GLCCI1: variants seen among roughly 807,000 people sequenced by gnomAD.
GLCCI1 encodes the protein glucocorticoid-induced transcript 1 protein.
Under a neutral mutation model 52.2 loss-of-function variants are expected in GLCCI1, and 24 were observed. The ratio of observed to expected loss-of-function variants is 0.46; its 90% CI spans 0.33 to 0.65. GLCCI1 has a LOEUF of 0.65. Ranked by LOEUF, GLCCI1 falls within the 30% of genes least tolerant of loss-of-function variation. GLCCI1 has a pLI of 0.02. For missense variants in GLCCI1, 704 were observed against 701.5 expected (o/e 1.00, Z -0.04); for synonymous variants, 310 against 276.5 (o/e 1.12, Z -1.20).
chr7:8,079,661 A>G (rs1225828653), intron 6 of GLCCI1, among the ~76,000 whole-genome samples: 1 of 151,572 alleles, frequency 6.6e-6, no homozygotes, highest in Admixed American at 6.6e-5. Context: ...GACTACACAA[A>G]AACAAAAGAG....
chr7:7,995,465 G>A (rs559891835), intron 1 of GLCCI1, among the ~76,000 whole-genome samples: 134 of 152,254 alleles, frequency 8.8e-4, no homozygotes, highest in Non-Finnish European at 1.6e-3. Context: ...AGCCGAGATC[G>A]TGCCACTGCA....
At chr7:8,049,181 T>C (rs542829565) in intron 3 of GLCCI1, among the ~76,000 whole-genome samples, 1 of 152,276 alleles carries the variant, frequency 6.6e-6, no homozygotes, top group Non-Finnish European at 1.5e-5. Flanking sequence ...GGGATGTTTC[T>C]TGCTTCCAGT....
chr7:7,986,552 T>G (rs1386017278), intron 1 of GLCCI1, among the ~76,000 whole-genome samples: 2 of 151,978 alleles, frequency 1.3e-5, no homozygotes, highest in African/African-American at 4.8e-5. Context: ...AAAAGTGACC[T>G]AGTGTATTTT....
In GLCCI1 at chr7:8,053,785, G is replaced by A. The variant is rs139391150; in HGVS notation, c.697-1648G>A. 2.6e-3 allele frequency among the ~76,000 whole-genome samples: 397 copies of A among 152,138 alleles called. 1 individual carries two copies. Among genetic ancestry groups the A allele is most frequent in the African/African-American group, 8.9e-3 (368 of 41,516 alleles). On this transcript the variant is annotated intron_variant, in intron 3 of 7. Transcript: ENST00000223145. ...GATGGACTTTTACCCTAATTCCCAC[G>A]GGATTGTAAACAAGAGCATAACTAT...
intron 3 of GLCCI1, among the ~76,000 whole-genome samples, chr7:8,028,819 G>C (rs1186800531): frequency 6.6e-6 from 1 of 152,050 alleles, no homozygotes; most frequent in Non-Finnish European, 1.5e-5. Flanking sequence ...TGGCTACTTT[G>C]AACAACTATA....
At chr7:8,071,307 C>G (rs1462305483) in intron 6 of GLCCI1, among the ~76,000 whole-genome samples, 176 bp downstream of exon 6, 2 of 151,904 alleles carry the variant, frequency 1.3e-5, no homozygotes, top group East Asian at 3.9e-4. Context: ...GTGACTCTAA[C>G]AAACATCTTC....
intron 6 of GLCCI1, among the ~76,000 whole-genome samples, chr7:8,082,478 C>A (rs148464469): frequency 2.5e-3 from 388 of 152,166 alleles, no homozygotes; most frequent in African/African-American, 8.7e-3. Context: ...TACAGTCTCT[C>A]TGATTGCATA....
chr7:8,056,954 A>G (rs1384346273), intron 4 of GLCCI1, among the ~76,000 whole-genome samples: 2 of 152,236 alleles, frequency 1.3e-5, no homozygotes, highest in Admixed American at 6.5e-5. Flanking sequence ...ATCACTACTT[A>G]CATATGATAT....
At chr7:8,057,881 A>G (rs1313116492) in intron 4 of GLCCI1, among the ~76,000 whole-genome samples, 1 of 152,122 alleles carries the variant, frequency 6.6e-6, no homozygotes, top group African/African-American at 2.4e-5. Context: ...TATTCTTAAA[A>G]ATTATTATCC....
At chr7:7,971,068 C>T (rs1489061452) in intron 1 of GLCCI1, among the ~76,000 whole-genome samples, 1 of 152,148 alleles carries the variant, frequency 6.6e-6, no homozygotes, top group Non-Finnish European at 1.5e-5. Flanking sequence ...TGCTAACGCA[C>T]TTGTTTTCTG....
chr7:8,023,891 A>G (rs1183755414), intron 3 of GLCCI1, among the ~76,000 whole-genome samples: 1 of 151,912 alleles, frequency 6.6e-6, no homozygotes, highest in Non-Finnish European at 1.5e-5. Flanking sequence ...GAACCACCAC[A>G]CCAGGCCATG....
intron 2 of GLCCI1, among the ~76,000 whole-genome samples, chr7:8,012,555 C>T (rs1015064837): frequency 2.7e-5 from 4 of 149,028 alleles, no homozygotes; most frequent in Admixed American, 2.0e-4. Context: ...TGCCATTCTC[C>T]TGCCTCAGCC....
At chr7:8,016,537 A>G (rs1297606533) in intron 2 of GLCCI1, among the ~76,000 whole-genome samples, 3 of 152,156 alleles carry the variant, frequency 2.0e-5, no homozygotes, top group African/African-American at 4.8e-5. Context: ...AGTTTACGGT[A>G]TGGTATGAGA....
chr7:7,971,815 T>C (rs908326590), intron 1 of GLCCI1, among the ~76,000 whole-genome samples: 2 of 152,240 alleles, frequency 1.3e-5, no homozygotes, highest in African/African-American at 4.8e-5. Context: ...AAAACACTTT[T>C]CTGAGTCTGG....
chr7:8,037,669 C>T (rs1781896851), intron 3 of GLCCI1, among the ~76,000 whole-genome samples: 1 of 152,000 alleles, frequency 6.6e-6, no homozygotes, highest in Non-Finnish European at 1.5e-5. Flanking sequence ...CTGCTAAAGA[C>T]ACGTAAAGAC....
intron 3 of GLCCI1, among the ~76,000 whole-genome samples, chr7:8,028,375 A>C (rs1371461033): frequency 6.6e-6 from 1 of 152,228 alleles, no homozygotes; most frequent in Non-Finnish European, 1.5e-5. Context: ...GAGTCAATGA[A>C]GAAATGAAGA....
chr7:8,047,414 G>T (rs558095339), intron 3 of GLCCI1, among the ~76,000 whole-genome samples: 1 of 152,164 alleles, frequency 6.6e-6, no homozygotes, highest in Non-Finnish European at 1.5e-5. Flanking sequence ...ATTAAGTAGG[G>T]TTTAAGATGT....
At position 8,086,400 on chromosome 7, in the gene GLCCI1, C is replaced by T. The variant is rs187196785; in HGVS notation, c.1506C>T (p.Ser502=). The T allele has an allele frequency of 1.8e-5, 29 of 1,614,182 alleles. No homozygotes were observed. The East Asian group carries it at 4.7e-4, about 26-fold the overall frequency. The change falls in exon 8 of 8, where the codon TCC becomes TCT. Residue 502 remains serine, a synonymous_variant. Transcript: ENST00000223145. This position sits in a 1 kb window ranked among gnomAD's most constrained non-coding sequence, Gnocchi z 4.4. ...LTVEQLSSRV[S]FTSLSDDTST... is the part of the protein sequence containing the mutation. ...TTGAGCAGCTCTCATCCCGGGTTTC[C>T]TTTACGTCTCTTTCTGATGACACCA...
intron 6 of GLCCI1, among the ~76,000 whole-genome samples, chr7:8,075,233 A>G (rs1026956115): frequency 3.3e-5 from 5 of 152,178 alleles, no homozygotes; most frequent in Non-Finnish European, 5.9e-5. Flanking sequence ...TCAGCTATTG[A>G]GAGACTTGTT....
Sources: gnomAD v4.1 joint callset for allele counts (sites outside exome capture counted in the v4.1 genomes callset) on GRCh38, gnomAD v4.1.1 for gene constraint, Gnocchi (gnomAD v3.1) non-coding constraint, MANE v1.5 for transcripts, NCBI Gene and HGNC (gene_info 2026-07-23, HGNC 2026-07-21) for gene names.